Variants in GRIPAP1 observed in about 807,000 individuals in gnomAD.
The protein encoded by GRIPAP1 is GRIP1-associated protein 1.
Under a neutral mutation model 84.1 loss-of-function variants are expected in GRIPAP1, and 14 were observed. The observed-to-expected ratio is 0.17, with a 90% CI of 0.11 to 0.26. The LOEUF is 0.26. GRIPAP1 is among the 10% of genes least tolerant of loss of function. GRIPAP1 has a pLI of 1.00. For synonymous variants in GRIPAP1, 261 were observed against 256.8 expected, an observed-to-expected ratio of 1.02 and a Z score of -0.15; for missense variants, 518 against 674.2, an observed-to-expected ratio of 0.77 and a Z score of 2.57.
rs782514786 is a variant in GRIPAP1, at chrX:48,997,374, G to C, written c.199-17C>G. On this transcript the variant is annotated splice_polypyrimidine_tract_variant and intron_variant, in intron 4 of 25. Coordinates refer to ENST00000376423, the MANE Select transcript of GRIPAP1 (RefSeq NM_020137.5). ...CTCGACTTCCTGCAGTGGCAGACAA[G>C]GGCCAGGACTCCAGCAAGGGCAAAA... The C allele has an allele frequency of 7.3e-6, 7 of 961,907 alleles. No individual in the cohort carries two copies. In the South Asian group the frequency reaches 1.4e-4, roughly 20 times the overall value. The allele number at this position is 961,907 out of a possible 1,213,427, so 79.3% of individuals were successfully genotyped here. A position where few individuals can be genotyped will look rare whatever the true frequency, so the allele number is the denominator to read the frequency against.
At chrX:48,976,515 G>T in intron 22 of GRIPAP1, 152 bp from the exon 23 acceptor site, 1 of 648,120 alleles carries the variant, frequency 1.5e-6, no homozygotes, top group Non-Finnish European at 2.3e-6. Context: ...GGTACCCTCA[G>T]ACTCTGTTTT....
chrX:48,997,869 AAG>A (rs1326457335), intron 4 of GRIPAP1: 1 of 390,057 alleles, frequency 2.6e-6, no homozygotes, highest in Non-Finnish European at 4.4e-6. Flanking sequence ...GGGAGAGACA[AAG>A]AGAAGATTGG....
chrX:48,982,951 T>C (rs1557062619), intron 17 of GRIPAP1, 28 bp downstream of exon 17: 1 of 999,490 alleles, frequency 1.0e-6, no homozygotes, highest in South Asian at 1.9e-5. Flanking sequence ...AATCAGCCTC[T>C]GTTCCTCACC....
intron 13 of GRIPAP1, 64 bp from the exon 14 acceptor site, chrX:48,985,466 T>G: frequency 9.9e-7 from 1 of 1,005,030 alleles, no homozygotes; most frequent in East Asian, 3.1e-5. Context: ...GGACAGGGTA[T>G]GAGCCCCCTA....
chrX:48,975,777 G>C, intron 24 of GRIPAP1: 1 of 406,991 alleles, frequency 2.5e-6, no homozygotes, highest in South Asian at 4.1e-5. Context: ...GAGAGGAAAG[G>C]AGAAAGTGGA....
chrX:49,000,491 G>A (rs2064573275), intron 1 of GRIPAP1: 1 of 104,947 alleles, frequency 9.5e-6, no homozygotes, highest in African/African-American at 3.5e-5. Flanking sequence ...AGGAGTTCAA[G>A]ACCAGCCTGG....
intron 5 of GRIPAP1, among the ~76,000 whole-genome samples, chrX:48,993,780 GCAGAGT>G (rs2064532389): frequency 8.9e-6 from 1 of 111,935 alleles, no homozygotes; most frequent in Non-Finnish European, 1.9e-5. Flanking sequence ...CTTTTAAGTG[GCAGAGT>G]CAGAGAATAC....
At chrX:48,996,658 C>T (rs931576709) in intron 5 of GRIPAP1, among the ~76,000 whole-genome samples, 2 of 111,730 alleles carry the variant, frequency 1.8e-5, no homozygotes, top group African/African-American at 3.3e-5. Context: ...AAATTTGCTG[C>T]CATGAGACTT....
intron 6 of GRIPAP1, among the ~76,000 whole-genome samples, chrX:48,992,236 C>T (rs1420476787): frequency 8.9e-6 from 1 of 112,421 alleles, no homozygotes; most frequent in East Asian, 2.8e-4. Context: ...GAACTCCTGA[C>T]CTCAGGCGAT....
intron 13 of GRIPAP1, among the ~76,000 whole-genome samples, chrX:48,986,974 G>T (rs1451557284): frequency 9.3e-6 from 1 of 107,439 alleles, no homozygotes; most frequent in Non-Finnish European, 1.9e-5. Flanking sequence ...TCAGCCTCCC[G>T]AGTAGCTTGG....
chrX:48,976,222 G>A lies in GRIPAP1; in HGVS notation c.2184+19C>T, dbSNP rs1557060453. On this transcript the variant is annotated intron_variant, in intron 23 of 25. Coordinates refer to ENST00000376423, the MANE Select transcript of GRIPAP1 (RefSeq NM_020137.5). Reference sequence around the variant, plus strand: ...GGGCACTTCAAGTGGGGATGGGCAGGCAGGCAGGCAGGCAGCACCTTCTCC... The same window carrying A: ...GGGCACTTCAAGTGGGGATGGGCAGACAGGCAGGCAGGCAGCACCTTCTCC... The A allele has an allele frequency of 1.7e-6, 2 of 1,172,549 alleles. No homozygotes were observed. The highest frequency in any genetic ancestry group is 3.8e-5 in the South Asian group (2 of 53,100).
In GRIPAP1 at chrX:48,985,431, G is replaced by C. The variant is rs781789596; in HGVS notation, c.1042-29C>G. ...GAGAAAGTAGTGGTGATGAGAAGTA[G>C]AGTGAAAGGGACCCCAGGGGCCAGG... On this transcript the variant is annotated intron_variant, in intron 13 of 25. Coordinates refer to ENST00000376423, the MANE Select transcript of GRIPAP1 (RefSeq NM_020137.5). 6.7e-6 allele frequency: 8 copies of C among 1,189,548 alleles called. No individual in the cohort carries two copies. In the Admixed American group the frequency reaches 1.3e-4, roughly 20 times the overall value.
chrX:48,981,363 G>A, intron 20 of GRIPAP1, 49 bp from the exon 21 acceptor site: 2 of 1,199,561 alleles, frequency 1.7e-6, no homozygotes, highest in East Asian at 3.0e-5. Flanking sequence ...TGGGCCCATA[G>A]GAGGGAGGCT....
intron 15 of GRIPAP1, 148 bp from the exon 16 acceptor site, chrX:48,983,588 C>T: frequency 3.7e-6 from 2 of 546,690 alleles, no homozygotes; most frequent in South Asian, 5.7e-5. Flanking sequence ...CCTTATAGAA[C>T]TGGTCACTTT....
Position 48,983,225 on chromosome X carries a change from C to T in GRIPAP1, c.1485+3G>A. On this transcript the variant is annotated splice_donor_region_variant and intron_variant, in intron 16 of 25. Transcript: ENST00000376423. ...AGAAGGGCATCATCATCTACCCACC[C>T]ACCTTCTCCTCCCGGATCTGCCCAC... The T allele has an allele frequency of 1.3e-5, 16 of 1,204,783 alleles. No homozygotes were observed. The highest frequency in any genetic ancestry group is 1.5e-5 in the Non-Finnish European group (13 of 888,808).
intron 17 of GRIPAP1, 144 bp downstream of exon 17, chrX:48,982,835 G>A: frequency 2.1e-6 from 1 of 473,806 alleles, no homozygotes; most frequent in East Asian, 3.7e-5. Context: ...ACTCCAGAGG[G>A]CTGCTATTGA....
intron 13 of GRIPAP1, among the ~76,000 whole-genome samples, chrX:48,986,832 A>G (rs1454426617): frequency 3.1e-5 from 3 of 97,926 alleles, no homozygotes; most frequent in Admixed American, 1.1e-4. Context: ...TGCCCGGCCA[A>G]TAAGTTTTTT....
chrX:48,986,460 C>T (rs782518617), intron 13 of GRIPAP1, among the ~76,000 whole-genome samples: 8 of 110,377 alleles, frequency 7.2e-5, no homozygotes, highest in Non-Finnish European at 1.3e-4. Flanking sequence ...GGCACAATCT[C>T]GGCTCACTAT....
chrX:48,986,826 C>T (rs1386368372), intron 13 of GRIPAP1, among the ~76,000 whole-genome samples: 2 of 110,821 alleles, frequency 1.8e-5, no homozygotes, highest in Non-Finnish European at 3.8e-5. Context: ...CCATCATGCC[C>T]GGCCAATAAG....
Sources: gnomAD v4.1 joint callset for allele counts (sites outside exome capture counted in the v4.1 genomes callset) on GRCh38, gnomAD v4.1.1 for gene constraint, MANE v1.5 for transcripts, NCBI Gene and HGNC (gene_info 2026-07-23, HGNC 2026-07-21) for gene names.